Variants in GNG7 observed in about 807,000 individuals in gnomAD.
GNG7 encodes the protein G protein subunit gamma 7, also known as guanine nucleotide-binding protein G(I)/G(S)/G(O) subunit gamma-7.
Under a neutral mutation model 4.0 loss-of-function variants are expected in GNG7, and 1 was observed. That is an observed-to-expected ratio of 0.25 (90% confidence interval 0.09 to 1.18). The LOEUF is 1.18. Ranked by LOEUF, GNG7 falls within the 50% of genes most tolerant of loss-of-function variation. The probability of loss-of-function intolerance (pLI) is 0.50; values close to 1 mark genes in which losing one functional copy is unlikely to be tolerated. For synonymous variants in GNG7, 34 were observed against 36.9 expected (o/e 0.92, Z 0.29); for missense variants, 86 against 91.9 (o/e 0.94, Z 0.26).
intron 2 of GNG7, among the ~76,000 whole-genome samples, chr19:2,589,189 A>G (rs1372949924): frequency 6.7e-6 from 1 of 149,026 alleles, no homozygotes; most frequent in African/African-American, 2.5e-5. Context: ...CAGCCTCCCA[A>G]AGTGCTGGGA....
intron 1 of GNG7, among the ~76,000 whole-genome samples, chr19:2,699,619 A>AT (rs1476921357): frequency 3.9e-5 from 6 of 152,216 alleles, no homozygotes; most frequent in African/African-American, 1.4e-4. Context: ...AGTTTTGTCT[A>AT]TAACAAGGGT....
chr19:2,634,691 T>C lies in GNG7; in HGVS notation c.-78+11533A>G, dbSNP rs1982261331. On this transcript the variant is annotated intron_variant, in intron 2 of 4. Coordinates refer to ENST00000382159, the MANE Select transcript of GNG7 (RefSeq NM_052847.3). This position sits in a 1 kb window ranked among gnomAD's most constrained non-coding sequence, Gnocchi z 5.3. ...CTGGCTGTATATCTTGGCAATTCTT[T>C]CAGGGGAACAACTTGTCCGCGAAAA... Among the ~76,000 whole-genome samples the C allele has an allele frequency of 1.3e-5, 2 of 152,058 alleles. No individual in the cohort carries two copies. Among genetic ancestry groups the C allele is most frequent in the Admixed American group, 1.3e-4 (2 of 15,262 alleles).
At chr19:2,657,338 A>T (rs1321464469) in intron 1 of GNG7, among the ~76,000 whole-genome samples, 2 of 6,376 alleles carry the variant, frequency 3.1e-4, no homozygotes, top group Admixed American at 2.1e-3. Context: ...CGTCTCAATT[A>T]AAAAAAAAAA....
rs35639922 is a variant in GNG7, at chr19:2,525,971, A to ATTTTTTTTTTTTTTTTT, written c.-37-5263_-37-5247dup. On this transcript the variant is annotated intron_variant, in intron 3 of 4. Coordinates refer to ENST00000382159, the MANE Select transcript of GNG7 (RefSeq NM_052847.3). The stretch of plus-strand genomic sequence containing the variant: ...ATTACAGGTGCCTGCCTCCACGCCA[A>ATTTTTTTTTTTTTTTTT]TTTTTTTTTTTTTTTTTGAGACAGA... 8.2e-3 allele frequency among the ~76,000 whole-genome samples: 620 copies of ATTTTTTTTTTTTTTTTT among 75,626 alleles called. 102 individuals carry two copies. Among genetic ancestry groups the ATTTTTTTTTTTTTTTTT allele is most frequent in the African/African-American group, 0.016 (263 of 16,568 alleles). 49.6% of individuals were successfully genotyped at this position (75,626 alleles called of 152,430 possible).
chr19:2,519,104 G>GC (rs1978295211), intron 4 of GNG7, among the ~76,000 whole-genome samples: 1 of 133,488 alleles, frequency 7.5e-6, no homozygotes, highest in South Asian at 2.6e-4. Flanking sequence ...CCAGTTAAAT[G>GC]TTTTTTTAGA....
intron 2 of GNG7, among the ~76,000 whole-genome samples, chr19:2,583,526 A>G (rs919067386): frequency 6.6e-5 from 10 of 152,338 alleles, no homozygotes; most frequent in Non-Finnish European, 1.5e-4. Flanking sequence ...TTGTTGGTGC[A>G]GGTGCTGGGG....
chr19:2,536,564 ATC>A (rs1399071062), intron 3 of GNG7, among the ~76,000 whole-genome samples: 1 of 152,220 alleles, frequency 6.6e-6, no homozygotes, highest in East Asian at 1.9e-4. Flanking sequence ...GAAATATAAG[ATC>A]TGTGTTTCTG....
At chr19:2,553,125 CAAAAAAA>C (rs36098274) in intron 3 of GNG7, among the ~76,000 whole-genome samples, 100 of 112,396 alleles carry the variant, frequency 8.9e-4, no homozygotes, top group African/African-American at 3.4e-3. Flanking sequence ...AAAGCAAAAC[CAAAAAAA>C]AAAAAAAAAA....
intron 2 of GNG7, among the ~76,000 whole-genome samples, chr19:2,575,471 G>C (rs1364007695): frequency 6.6e-6 from 1 of 151,812 alleles, no homozygotes; most frequent in Non-Finnish European, 1.5e-5. Context: ...GGACACGCAG[G>C]CACACGCAGG....
At chr19:2,682,655 C>CAA (rs745799326) in intron 1 of GNG7, among the ~76,000 whole-genome samples, 912 of 64,104 alleles carry the variant, frequency 0.014, 37 homozygotes, top group African/African-American at 0.06. Flanking sequence ...GACTCCATCT[C>CAA]AAAAAAAAAA....
Position 2,513,416 on chromosome 19 carries a change from C to T in GNG7, c.*1606G>A. ...GATCAGGGCTGCGTGGGGTCCATCT[C>T]AGGTGTGGCCGCAGGTGATGCCGGC... On this transcript the variant is annotated 3_prime_UTR_variant, in exon 5 of 5. Coordinates refer to ENST00000382159, the MANE Select transcript of GNG7 (RefSeq NM_052847.3). 1 of 787,712 alleles carries T rather than the reference C, an allele frequency of 1.3e-6. No individual in the cohort carries two copies. The highest frequency in any genetic ancestry group is 1.5e-6 in the Non-Finnish European group (1 of 649,536). 48.8% of individuals were successfully genotyped at this position (787,712 alleles called of 1,614,324 possible).
Position 2,546,220 on chromosome 19 carries a change from G to T in GNG7, c.-38+8929C>A, listed in dbSNP as rs551693522. ...AGGTCTGAGACTGGCCACACCTGCT[G>T]CCCGCTCCACAGAACCCCAGGGCCC... On this transcript the variant is annotated intron_variant, in intron 3 of 4. Coordinates refer to ENST00000382159, the MANE Select transcript of GNG7 (RefSeq NM_052847.3). The surrounding 1 kb of genome is among the most constrained non-coding windows in gnomAD (Gnocchi z 6.3). 3.4e-4 allele frequency among the ~76,000 whole-genome samples: 52 copies of T among 152,352 alleles called. 1 individual carries two copies. The South Asian group carries it at 0.011, about 31-fold the overall frequency.
chr19:2,541,234 G>T (rs1017618333), intron 3 of GNG7, among the ~76,000 whole-genome samples: 3 of 152,240 alleles, frequency 2.0e-5, no homozygotes, highest in Non-Finnish European at 1.5e-5. Context: ...ACTTTGGGAG[G>T]CTGAGTCAGG....
intron 1 of GNG7, among the ~76,000 whole-genome samples, chr19:2,659,610 A>AAAAAAAAAAGAG (rs5826778): frequency 5.8e-5 from 7 of 121,452 alleles, no homozygotes; most frequent in African/African-American, 2.0e-4. Context: ...AAAAAAAAAA[A>AAAAAAAAAAGAG]AGAGAGGAGG....
At chr19:2,673,647 C>A (rs1983521263) in intron 1 of GNG7, among the ~76,000 whole-genome samples, 1 of 146,872 alleles carries the variant, frequency 6.8e-6, no homozygotes, top group East Asian at 2.1e-4. Flanking sequence ...GAGCCAAGAT[C>A]ACACCACTGG....
At chr19:2,536,093 T>G (rs1231314719) in intron 3 of GNG7, among the ~76,000 whole-genome samples, 2 of 151,524 alleles carry the variant, frequency 1.3e-5, no homozygotes, top group Admixed American at 1.3e-4. Context: ...CCACTGTACT[T>G]CAGCCGGGCA....
At chr19:2,574,342 T>C (rs1193020315) in intron 2 of GNG7, among the ~76,000 whole-genome samples, 1 of 152,134 alleles carries the variant, frequency 6.6e-6, no homozygotes. Flanking sequence ...AACTTTCTCC[T>C]CTTCCCAAAC....
chr19:2,641,073 A>C (rs1048877952), intron 2 of GNG7, among the ~76,000 whole-genome samples: 3 of 152,158 alleles, frequency 2.0e-5, no homozygotes, highest in African/African-American at 7.2e-5. Context: ...GAGGTGGTAC[A>C]AGAAGAAGGG....
At chr19:2,554,029 C>G (rs1599387774) in intron 3 of GNG7, among the ~76,000 whole-genome samples, 1 of 135,610 alleles carries the variant, frequency 7.4e-6, no homozygotes, top group Non-Finnish European at 1.6e-5. Context: ...TATATGTATA[C>G]ACAGTGGCGT....
Sources: gnomAD v4.1 joint callset for allele counts (sites outside exome capture counted in the v4.1 genomes callset) on GRCh38, gnomAD v4.1.1 for gene constraint, Gnocchi (gnomAD v3.1) non-coding constraint, MANE v1.5 for transcripts, NCBI Gene and HGNC (gene_info 2026-07-23, HGNC 2026-07-21) for gene names.